The following RHBDD1 variants were observed in gnomAD, a reference collection of about 807,000 sequenced individuals.
RHBDD1 encodes the protein rhomboid-related protein 4.
Under a neutral mutation model 36.3 loss-of-function variants are expected in RHBDD1, and 38 were observed. That is an observed-to-expected ratio of 1.05 (90% CI 0.81 to 1.37). The LOEUF is 1.37. RHBDD1 is among the 40% of genes most tolerant of loss of function. The probability of loss-of-function intolerance (pLI) is 0.00; values close to 1 mark genes in which losing one functional copy is unlikely to be tolerated. For missense variants in RHBDD1, 393 were observed against 377.6 expected, an observed-to-expected ratio of 1.04 and a Z score of -0.34; for synonymous variants, 151 against 136.5, an observed-to-expected ratio of 1.11 and a Z score of -0.74.
intron 8 of RHBDD1, among the ~76,000 whole-genome samples, chr2:226,980,802 T>C (rs1294370025): frequency 6.6e-6 from 1 of 152,218 alleles, no homozygotes; most frequent in East Asian, 1.9e-4. Context: ...TTGGGATTGA[T>C]GTTTAAAAAA....
intron 8 of RHBDD1, among the ~76,000 whole-genome samples, chr2:226,944,081 G>C (rs1480679973): frequency 6.6e-6 from 1 of 151,958 alleles, no homozygotes; most frequent in Non-Finnish European, 1.5e-5. Flanking sequence ...ACAGGGGGAA[G>C]TGAAAGACCA....
chr2:226,903,008 G>A (rs1322341628), intron 5 of RHBDD1, among the ~76,000 whole-genome samples: 1 of 152,164 alleles, frequency 6.6e-6, no homozygotes, highest in African/African-American at 2.4e-5. Context: ...CATGAAGGTT[G>A]ATTTGAAACC....
chr2:226,816,652 T>C, the RHBDD1 span, among the ~76,000 whole-genome samples: 1 of 152,178 alleles, frequency 6.6e-6, no homozygotes, highest in South Asian at 2.1e-4. Context: ...TCCCAGCACT[T>C]TGGCGGGCCA....
chr2:226,980,233 T>C (rs1955402094), intron 8 of RHBDD1, among the ~76,000 whole-genome samples: 1 of 152,154 alleles, frequency 6.6e-6, no homozygotes, highest in Non-Finnish European at 1.5e-5. Context: ...AAGTAGCTTA[T>C]CCTAGGACAC....
upstream of RHBDD1, among the ~76,000 whole-genome samples, chr2:226,832,971 A>G (rs1034135107): frequency 1.3e-5 from 2 of 152,326 alleles, no homozygotes; most frequent in African/African-American, 2.4e-5. Flanking sequence ...AGATTGTGCC[A>G]TTGCACTTCA....
At chr2:226,937,288 A>G (rs1950391024) in intron 8 of RHBDD1, among the ~76,000 whole-genome samples, 2 of 152,150 alleles carry the variant, frequency 1.3e-5, no homozygotes, top group East Asian at 1.9e-4. Flanking sequence ...AAGTTTTTAT[A>G]CTATGTATCT....
At chr2:226,852,788 G>A (rs1321319309) in intron 3 of RHBDD1, among the ~76,000 whole-genome samples, 1 of 150,996 alleles carries the variant, frequency 6.6e-6, no homozygotes, top group East Asian at 1.9e-4. Context: ...TTTATTTTTA[G>A]CTATCCACTA....
the RHBDD1 span, among the ~76,000 whole-genome samples, chr2:226,813,298 A>G: frequency 6.6e-6 from 1 of 152,242 alleles, no homozygotes; most frequent in Non-Finnish European, 1.5e-5. Flanking sequence ...GGTAAACACC[A>G]CCTCATACAT....
chr2:226,951,197 T>C (rs1326523857), intron 8 of RHBDD1, among the ~76,000 whole-genome samples: 1 of 152,184 alleles, frequency 6.6e-6, no homozygotes, highest in Non-Finnish European at 1.5e-5. Context: ...GGTATCCTAA[T>C]GGCTTCCGTT....
At chr2:226,970,061 C>T (rs1362710784) in intron 8 of RHBDD1, among the ~76,000 whole-genome samples, 1 of 142,126 alleles carries the variant, frequency 7.0e-6, no homozygotes, top group Non-Finnish European at 1.5e-5. Context: ...TCCCAGCCCT[C>T]TCCCCCCGCA....
At chr2:226,865,483 C>A (rs1944247764) in intron 4 of RHBDD1, among the ~76,000 whole-genome samples, 1 of 152,134 alleles carries the variant, frequency 6.6e-6, no homozygotes, top group South Asian at 2.1e-4. Context: ...GCTCAGTGTG[C>A]TGTCTCTGAT....
chr2:226,937,964 G>A (rs1950440312), intron 8 of RHBDD1, among the ~76,000 whole-genome samples: 1 of 152,174 alleles, frequency 6.6e-6, no homozygotes, highest in Non-Finnish European at 1.5e-5. Context: ...ACCCAGTAAT[G>A]GGATTGCTGG....
At chr2:226,930,989 A>G (rs796546598) in intron 8 of RHBDD1, among the ~76,000 whole-genome samples, 8 of 152,084 alleles carry the variant, frequency 5.3e-5, no homozygotes, top group Non-Finnish European at 1.2e-4. Context: ...TCAAAAAGCA[A>G]TAGATGTTAG....
intron 8 of RHBDD1, among the ~76,000 whole-genome samples, chr2:226,963,263 G>A (rs1952360509): frequency 6.6e-6 from 1 of 152,060 alleles, no homozygotes; most frequent in Non-Finnish European, 1.5e-5. Context: ...CCTTTTCTTG[G>A]AATCATTTAC....
In RHBDD1 at chr2:226,988,594, C is replaced by G. The variant is rs2149530916; in HGVS notation, c.857-6837C>G. The G allele has an allele frequency of 3.7e-6, 5 of 1,362,342 alleles. No individual in the cohort carries two copies. The East Asian group carries it at 1.1e-4, about 31-fold the overall frequency. The allele number at this position is 1,362,342 out of a possible 1,614,324, so 84.4% of individuals were successfully genotyped here. A position where few individuals can be genotyped will look rare whatever the true frequency, so the allele number is the denominator to read the frequency against. On this transcript the variant is annotated intron_variant, in intron 8 of 8. Coordinates refer to ENST00000392062, the MANE Select transcript of RHBDD1 (RefSeq NM_001167608.3). Reference sequence around the variant, plus strand: ...CTGCATCAGAAACATCAGAAGAGGCCGGGGGCTCCAGCTGCCCCTCCGAGC... The same window carrying G: ...CTGCATCAGAAACATCAGAAGAGGCGGGGGGCTCCAGCTGCCCCTCCGAGC...
At position 226,856,662 on chromosome 2, in the gene RHBDD1, A is replaced by G. The variant is rs1450742339; in HGVS notation, c.-90-7942A>G. 2.0e-5 allele frequency among the ~76,000 whole-genome samples: 3 copies of G among 152,346 alleles called. No individual in the cohort carries two copies. The South Asian group carries it at 6.2e-4, about 32-fold the overall frequency. Reference sequence around the variant, plus strand: ...AGTTTATTCCTAGAGAAAGATGACTATAATGAAACAAAATAAGAGAGAAAA... The same window carrying G: ...AGTTTATTCCTAGAGAAAGATGACTGTAATGAAACAAAATAAGAGAGAAAA... On this transcript the variant is annotated intron_variant, in intron 3 of 8. Coordinates refer to ENST00000392062, the MANE Select transcript of RHBDD1 (RefSeq NM_001167608.3).
At chr2:226,961,944 A>G (rs1376573652) in intron 8 of RHBDD1, among the ~76,000 whole-genome samples, 2 of 152,200 alleles carry the variant, frequency 1.3e-5, no homozygotes, top group Non-Finnish European at 2.9e-5. Flanking sequence ...AGGTTCACAT[A>G]GAGTTACAAT....
chr2:226,868,190 A>G (rs751161072), intron 5 of RHBDD1, among the ~76,000 whole-genome samples: 15 of 152,222 alleles, frequency 9.9e-5, no homozygotes, highest in Admixed American at 2.0e-4. Context: ...TGGCTTCCTC[A>G]GAGGAGGCAC....
chr2:226,813,084 C>A, the RHBDD1 span, among the ~76,000 whole-genome samples: 1 of 152,158 alleles, frequency 6.6e-6, no homozygotes, highest in Non-Finnish European at 1.5e-5. Flanking sequence ...CCTTTTGCAT[C>A]CCTGTGCTAA....
Sources: allele counts gnomAD v4.1 joint callset (sites outside exome capture counted in the v4.1 genomes callset), GRCh38; gene constraint gnomAD v4.1.1; transcripts MANE v1.5; gene names NCBI Gene and HGNC (gene_info 2026-07-23, HGNC 2026-07-21).